Variants in PLCB1 observed in about 807,000 individuals in gnomAD.
The protein encoded by PLCB1 is 1-phosphatidylinositol 4,5-bisphosphate phosphodiesterase beta-1.
Under a neutral mutation model 161.8 loss-of-function variants are expected in PLCB1, and 46 were observed. The ratio of observed to expected loss-of-function variants is 0.28; its 90% CI spans 0.22 to 0.36. The LOEUF is 0.36. Among genes scored for constraint, PLCB1 ranks in the 10% least tolerant of loss-of-function variants. The pLI, the probability that PLCB1 is intolerant of heterozygous loss-of-function variation, is 1.00. For missense variants in PLCB1, 1,016 were observed against 1,472.5 expected, an observed-to-expected ratio of 0.69 and a Z score of 5.07; for synonymous variants, 517 against 503.7, an observed-to-expected ratio of 1.03 and a Z score of -0.35.
chr20:8,196,076 A>G (rs1473650120), intron 2 of PLCB1, among the ~76,000 whole-genome samples: 2 of 152,006 alleles, frequency 1.3e-5, no homozygotes, highest in Non-Finnish European at 1.5e-5. Flanking sequence ...AGAACTCACT[A>G]TCAAAAGAAC....
chr20:8,665,235 C>T (rs1254237897), intron 9 of PLCB1, among the ~76,000 whole-genome samples: 1 of 152,176 alleles, frequency 6.6e-6, no homozygotes, highest in Admixed American at 6.5e-5. Context: ...TAGCCCTGCT[C>T]CCTAGTTTTC....
At chr20:8,546,578 G>A (rs1279468497) in intron 3 of PLCB1, among the ~76,000 whole-genome samples, 5 of 152,132 alleles carry the variant, frequency 3.3e-5, no homozygotes, top group African/African-American at 4.8e-5. Flanking sequence ...GGGAGGTAAT[G>A]TAATGCAACC....
intron 4 of PLCB1, among the ~76,000 whole-genome samples, chr20:8,629,790 C>CTTCCTTTCTTTCT (rs1555777936): frequency 0.035 from 3,116 of 88,306 alleles, 315 homozygotes; most frequent in East Asian, 0.078. Flanking sequence ...TCCTTCCTTC[C>CTTCCTTTCTTTCT]TTTCTTTCTT....
chr20:8,630,712 A>G (rs1988559083), intron 4 of PLCB1, among the ~76,000 whole-genome samples: 1 of 152,234 alleles, frequency 6.6e-6, no homozygotes, highest in Non-Finnish European at 1.5e-5. Context: ...TGACCAATTT[A>G]TGGGATGCAC....
chr20:8,720,361 T>C (rs1979558149), intron 14 of PLCB1, among the ~76,000 whole-genome samples: 1 of 152,254 alleles, frequency 6.6e-6, no homozygotes, highest in South Asian at 2.1e-4. Context: ...CTAGCCCTGT[T>C]GTCTATTATG....
intron 25 of PLCB1, among the ~76,000 whole-genome samples, chr20:8,762,613 G>T (rs1982100224): frequency 6.6e-6 from 1 of 152,070 alleles, no homozygotes; most frequent in Non-Finnish European, 1.5e-5. Context: ...GCAATTCCTT[G>T]GGATTATAAA....
At chr20:8,133,146 C>T (rs2122993257) in intron 1 of PLCB1, among the ~76,000 whole-genome samples, 1 of 152,244 alleles carries the variant, frequency 6.6e-6, no homozygotes, top group African/African-American at 2.4e-5. Flanking sequence ...GCGGACGCAC[C>T]CCCTATTACC....
chr20:8,132,375 G>C lies in PLCB1; in HGVS notation c.-277G>C, dbSNP rs983464326. On this transcript the variant is annotated 5_prime_UTR_variant, in exon 1 of 32. Transcript: ENST00000338037. This position sits in a 1 kb window ranked among gnomAD's most constrained non-coding sequence, Gnocchi z 5.2. Reference sequence around the variant, plus strand: ...ACTGGCAGCCTCGGCTGACCGGCTCGGCTTCTCTTCGCCTTCCGAGGCTCC... The same window carrying C: ...ACTGGCAGCCTCGGCTGACCGGCTCCGCTTCTCTTCGCCTTCCGAGGCTCC... The C allele has an allele frequency of 6.4e-5, 17 of 264,662 alleles. No individual in the cohort carries two copies. The East Asian group carries it at 1.0e-3, about 16-fold the overall frequency. 16.4% of individuals were successfully genotyped at this position (264,662 alleles called of 1,614,324 possible). A position where few individuals can be genotyped will look rare whatever the true frequency, so the allele number is the denominator to read the frequency against.
chr20:8,715,901 G>A (rs1979281092), intron 12 of PLCB1: 1 of 200,718 alleles, frequency 5.0e-6, no homozygotes. Flanking sequence ...AAATATGAAA[G>A]GGTTCTTTCT....
chr20:8,242,162 T>C (rs1980647581), intron 2 of PLCB1, among the ~76,000 whole-genome samples: 1 of 151,670 alleles, frequency 6.6e-6, no homozygotes, highest in Non-Finnish European at 1.5e-5. Flanking sequence ...ATGTTTCTGT[T>C]GTTGTTGTTT....
At position 8,760,365 on chromosome 20, in the gene PLCB1, A is replaced by G. The variant is rs1187827507; in HGVS notation, c.2657-42A>G. On this transcript the variant is annotated intron_variant, in intron 24 of 31. Coordinates refer to ENST00000338037, the MANE Select transcript of PLCB1 (RefSeq NM_015192.4). ...TTTGTTTACAGGAAGAATAAAATTT[A>G]AAAAGTTGAAGAGGCTATTTATTTT... 4 of 1,275,210 alleles carry G rather than the reference A, an allele frequency of 3.1e-6. No homozygotes were observed. The African/African-American group carries it at 4.5e-5, about 14-fold the overall frequency. 79.0% of individuals were successfully genotyped at this position (1,275,210 alleles called of 1,614,324 possible). A position where few individuals can be genotyped will look rare whatever the true frequency, so the allele number is the denominator to read the frequency against.
intron 2 of PLCB1, among the ~76,000 whole-genome samples, chr20:8,217,834 G>T (rs1341710420): frequency 6.6e-6 from 1 of 152,062 alleles, no homozygotes; most frequent in Non-Finnish European, 1.5e-5. Context: ...TGATTAAAAG[G>T]ATGAGTCTGG....
chr20:8,774,512 T>C, intron 26 of PLCB1, 27 bp from the exon 27 acceptor site: 1 of 1,567,124 alleles, frequency 6.4e-7, no homozygotes, highest in Non-Finnish European at 8.7e-7. Context: ...CTGTCTGTTT[T>C]GTGAGTCAAA....
chr20:8,653,326 T>G (rs1159083690), intron 7 of PLCB1: 2 of 152,074 alleles, frequency 1.3e-5, no homozygotes, highest in African/African-American at 4.8e-5. Flanking sequence ...GTATGTTGCC[T>G]TTCTTCTGTG....
At chr20:8,281,476 G>A (rs899704136) in intron 2 of PLCB1, among the ~76,000 whole-genome samples, 1 of 151,642 alleles carries the variant, frequency 6.6e-6, no homozygotes, top group East Asian at 1.9e-4. Context: ...GAAGCTGTTT[G>A]TTTACTAGAT....
intron 31 of PLCB1, among the ~76,000 whole-genome samples, chr20:8,829,705 T>C (rs2050110): frequency 0.29 from 43,986 of 152,160 alleles, 6,536 homozygotes; most frequent in Middle Eastern, 0.4. Context: ...GTTTATTTAA[T>C]TCAATTTAAT....
rs574525583 is a variant in PLCB1 at position 8,575,393 on chromosome 20, T to C, written c.247-52901T>C. ...TTCCCTTCACCGTGGAAGATTATTA[T>C]TGTGCCCACAGAAAATGTCTGTGCA... On this transcript the variant is annotated intron_variant, in intron 3 of 31. Coordinates refer to ENST00000338037, the MANE Select transcript of PLCB1 (RefSeq NM_015192.4). Among the ~76,000 whole-genome samples, 83 of 152,338 alleles carry C rather than the reference T, an allele frequency of 5.4e-4. 1 individual carries two copies. The highest frequency in any genetic ancestry group is 4.4e-5 in the Non-Finnish European group (3 of 68,028).
At chr20:8,558,759 G>C (rs1361427417) in intron 3 of PLCB1, among the ~76,000 whole-genome samples, 1 of 151,840 alleles carries the variant, frequency 6.6e-6, no homozygotes, top group Admixed American at 6.6e-5. Flanking sequence ...AGAAACAATG[G>C]AGGCAAGATA....
At chr20:8,814,754 C>T (rs1414706638) in intron 31 of PLCB1, among the ~76,000 whole-genome samples, 1 of 152,204 alleles carries the variant, frequency 6.6e-6, no homozygotes. Flanking sequence ...TAAATATCCT[C>T]TTACTCTCTT....
Sources: gnomAD v4.1 joint callset for allele counts (sites outside exome capture counted in the v4.1 genomes callset) on GRCh38, gnomAD v4.1.1 for gene constraint, Gnocchi (gnomAD v3.1) non-coding constraint, MANE v1.5 for transcripts, NCBI Gene and HGNC (gene_info 2026-07-23, HGNC 2026-07-21) for gene names.